RNF220: variants seen among roughly 807,000 people sequenced by gnomAD.
RNF220 encodes E3 ubiquitin-protein ligase RNF220.
A neutral mutation model predicts 67.1 loss-of-function variants in RNF220; 7 were observed. That is an observed-to-expected ratio of 0.10 (90% CI 0.06 to 0.20). The LOEUF (loss-of-function observed/expected upper bound fraction) is 0.20. Ranked by LOEUF, RNF220 falls within the 10% of genes least tolerant of loss-of-function variation. The pLI, the probability that RNF220 is intolerant of heterozygous loss-of-function variation, is 1.00. For missense variants in RNF220, 565 were observed against 740.3 expected, an observed-to-expected ratio of 0.76 and a Z score of 2.75; for synonymous variants, 270 against 283.2, an observed-to-expected ratio of 0.95 and a Z score of 0.47.
intron 2 of RNF220, among the ~76,000 whole-genome samples, chr1:44,429,571 G>T (rs1650140056): frequency 6.6e-6 from 1 of 152,178 alleles, no homozygotes; most frequent in Non-Finnish European, 1.5e-5. Flanking sequence ...GAAAAGTACA[G>T]GACAACCTTC....
At chr1:44,486,785 T>A (rs529595485) in intron 2 of RNF220, among the ~76,000 whole-genome samples, 1 of 152,264 alleles carries the variant, frequency 6.6e-6, no homozygotes, top group African/African-American at 2.4e-5. Context: ...CACCACCTCC[T>A]AGCTGTGTGG....
At chr1:44,447,476 G>GCA (rs1652226465) in intron 2 of RNF220, among the ~76,000 whole-genome samples, 1 of 152,114 alleles carries the variant, frequency 6.6e-6, no homozygotes, top group South Asian at 2.1e-4. Flanking sequence ...GGATTATTTA[G>GCA]CACCCTTCTA....
chr1:44,574,692 A>C (rs1224569100), intron 2 of RNF220, among the ~76,000 whole-genome samples: 1 of 152,172 alleles, frequency 6.6e-6, no homozygotes, highest in Non-Finnish European at 1.5e-5. Context: ...TCCTTTGTTT[A>C]ATAAGCACAT....
chr1:44,537,247 A>C (rs887143192), intron 2 of RNF220, among the ~76,000 whole-genome samples: 1 of 152,266 alleles, frequency 6.6e-6, no homozygotes, highest in African/African-American at 2.4e-5. Flanking sequence ...TAAACTTGAT[A>C]GAGTTCACTA....
chr1:44,410,023 C>G (rs1173771046), intron 1 of RNF220, among the ~76,000 whole-genome samples: 1 of 152,196 alleles, frequency 6.6e-6, no homozygotes, highest in African/African-American at 2.4e-5. Flanking sequence ...AATGAATAAC[C>G]AGGGTTGAGT....
chr1:44,498,050 GC>G (rs1428579402), intron 2 of RNF220, among the ~76,000 whole-genome samples: 1 of 152,202 alleles, frequency 6.6e-6, no homozygotes, highest in Non-Finnish European at 1.5e-5. Context: ...CCATGGCCTG[GC>G]CCCGACCGAG....
intron 2 of RNF220, among the ~76,000 whole-genome samples, chr1:44,485,140 CAAAGA>C (rs1285984417): frequency 3.3e-5 from 5 of 152,172 alleles, no homozygotes; most frequent in Non-Finnish European, 7.4e-5. Context: ...CATCAAAAAA[CAAAGA>C]AAAGAAAAGA....
rs1647242449 is a variant in RNF220 at position 44,405,394 on chromosome 1, TGCCGCTGCCGCCGCCGCCGCC to T, written c.-244_-224del. ...AGCCGCCTACTGCTGCTGCTGCTGC[TGCCGCTGCCGCCGCCGCCGCC>T]GCCGCTGCCTCCGCCGGCTCTGCGA... On this transcript the variant is annotated 5_prime_UTR_variant, in exon 1 of 15. Transcript: ENST00000361799. The T allele has an allele frequency of 1.6e-6, 1 of 628,784 alleles. No individual in the cohort carries two copies. Among genetic ancestry groups the T allele is most frequent in the Admixed American group, 2.4e-5 (1 of 41,528 alleles). 39.0% of individuals were successfully genotyped at this position (628,784 alleles called of 1,614,324 possible).
chr1:44,480,326 G>C (rs1170503808), intron 2 of RNF220, among the ~76,000 whole-genome samples: 2 of 152,170 alleles, frequency 1.3e-5, no homozygotes, highest in Non-Finnish European at 2.9e-5. Flanking sequence ...AGGAACGCTT[G>C]AGCCTGGGAC....
chr1:44,507,276 A>G (rs1348404675), intron 2 of RNF220, among the ~76,000 whole-genome samples: 3 of 152,168 alleles, frequency 2.0e-5, no homozygotes, highest in East Asian at 3.9e-4. Context: ...CTTGGCTACA[A>G]TGGAGGGGAC....
chr1:44,587,188 C>T (rs963318988), intron 2 of RNF220, among the ~76,000 whole-genome samples: 1 of 144,538 alleles, frequency 6.9e-6, no homozygotes, highest in Non-Finnish European at 1.5e-5. Flanking sequence ...TGTTCTGTCA[C>T]CCAAGCTAGA....
At chr1:44,638,816 C>G (rs1428901289) in intron 8 of RNF220, among the ~76,000 whole-genome samples, 7 of 152,126 alleles carry the variant, frequency 4.6e-5, no homozygotes, top group Admixed American at 4.6e-4. Context: ...CAGGTGAGCA[C>G]TGAGGTAGGT....
chr1:44,617,068 C>T (rs536200879), intron 3 of RNF220, among the ~76,000 whole-genome samples: 51 of 152,358 alleles, frequency 3.3e-4, no homozygotes, highest in African/African-American at 1.2e-3. Flanking sequence ...GTACCCCTCA[C>T]GTCGCGGCCC....
intron 5 of RNF220, chr1:44,632,050 G>A (rs1426718000): frequency 1.8e-6 from 2 of 1,097,022 alleles, no homozygotes; most frequent in Admixed American, 5.3e-5. Flanking sequence ...CCGCATCGCC[G>A]CCCTCGCCGG....
intron 3 of RNF220, among the ~76,000 whole-genome samples, chr1:44,620,976 C>G (rs1234646636): frequency 6.8e-6 from 1 of 146,016 alleles, no homozygotes; most frequent in Non-Finnish European, 1.5e-5. Flanking sequence ...AGTACAGTGG[C>G]GCAATCTCGG....
chr1:44,463,752 T>C (rs1310926425), intron 2 of RNF220, among the ~76,000 whole-genome samples: 1 of 152,240 alleles, frequency 6.6e-6, no homozygotes, highest in Non-Finnish European at 1.5e-5. Flanking sequence ...GTTTTTAGAC[T>C]AACTTGAGTT....
intron 2 of RNF220, among the ~76,000 whole-genome samples, chr1:44,430,736 A>C (rs900725301): frequency 6.6e-6 from 1 of 152,126 alleles, no homozygotes; most frequent in Non-Finnish European, 1.5e-5. Context: ...TAGTAGAGAC[A>C]GGGTTTCACC....
At chr1:44,498,933 T>C (rs537090864) in intron 2 of RNF220, among the ~76,000 whole-genome samples, 1 of 152,270 alleles carries the variant, frequency 6.6e-6, no homozygotes, top group Admixed American at 6.5e-5. Context: ...CTATCCCACC[T>C]CAGTCACAGA....
At chr1:44,612,481 G>A (rs1643355048) in intron 2 of RNF220, among the ~76,000 whole-genome samples, 1 of 152,126 alleles carries the variant, frequency 6.6e-6, no homozygotes, top group Non-Finnish European at 1.5e-5. Context: ...ACAGCCAAAC[G>A]AAGAATTCCT....
Sources: gnomAD v4.1 joint callset for allele counts (sites outside exome capture counted in the v4.1 genomes callset) on GRCh38, gnomAD v4.1.1 for gene constraint, MANE v1.5 for transcripts, NCBI Gene and HGNC (gene_info 2026-07-23, HGNC 2026-07-21) for gene names.